CFAP299: variants seen among roughly 807,000 people sequenced by gnomAD.
The protein encoded by CFAP299 is cilia and flagella associated protein 299, also known as cilia- and flagella-associated protein 299.
In CFAP299, 21 loss-of-function variants were observed where a neutral mutation model predicts 27.0. The ratio of observed to expected loss-of-function variants is 0.78; its 90% CI spans 0.55 to 1.12. CFAP299 has a LOEUF of 1.12. Ranked by LOEUF, CFAP299 falls within the 50% of genes most tolerant of loss-of-function variation. CFAP299 has a pLI of 0.00. For missense variants in CFAP299, 310 were observed against 276.6 expected, an observed-to-expected ratio of 1.12 and a Z score of -0.86; for synonymous variants, 104 against 98.1, an observed-to-expected ratio of 1.06 and a Z score of -0.36.
chr4:80,357,172 G>A (rs912808978), intron 1 of CFAP299, among the ~76,000 whole-genome samples: 7 of 152,106 alleles, frequency 4.6e-5, no homozygotes, highest in Admixed American at 3.3e-4. Context: ...CCAACCTTGC[G>A]TCCCAAGGAT....
intron 3 of CFAP299, among the ~76,000 whole-genome samples, chr4:80,714,746 A>G (rs115512361): frequency 9.8e-4 from 149 of 152,168 alleles, no homozygotes; most frequent in African/African-American, 3.3e-3. Flanking sequence ...AAAGTTGTTC[A>G]GAAAGCAAAA....
At chr4:80,632,713 CT>C (rs71664813) in intron 3 of CFAP299, among the ~76,000 whole-genome samples, 15,814 of 143,388 alleles carry the variant, frequency 0.11, 873 homozygotes, top group Middle Eastern at 0.22. Context: ...TATTTTCAAG[CT>C]TTTTTTTTTT....
rs1010947723 is a variant in CFAP299, at chr4:80,791,449, A to G, written c.334-78544A>G. 2.6e-5 allele frequency among the ~76,000 whole-genome samples: 4 copies of G among 152,220 alleles called. No individual in the cohort carries two copies. In the South Asian group the frequency reaches 8.3e-4, roughly 32 times the overall value. On this transcript the variant is annotated intron_variant, in intron 3 of 5. Transcript: ENST00000358105. ...AGATAATATGTACAACATATTTAAT[A>G]CCATTCTTATACATAGGAGGCCCTT...
intron 3 of CFAP299, among the ~76,000 whole-genome samples, chr4:80,665,393 T>C (rs930390171): frequency 6.6e-6 from 1 of 152,178 alleles, no homozygotes; most frequent in African/African-American, 2.4e-5. Flanking sequence ...CCTTTCCACA[T>C]TTTCTTCTCT....
At chr4:80,880,758 T>TAAAATAAAATAAAATAAAATAAAATA (rs771412772) in intron 4 of CFAP299, among the ~76,000 whole-genome samples, 14 of 151,094 alleles carry the variant, frequency 9.3e-5, no homozygotes, top group African/African-American at 3.4e-4. Flanking sequence ...AAAATAAAAT[T>TAAAATAAAATAAAATAAAATAAAATA]AAATTAAATT....
chr4:80,357,984 A>G (rs1723355987), intron 1 of CFAP299, among the ~76,000 whole-genome samples: 1 of 152,116 alleles, frequency 6.6e-6, no homozygotes, highest in Admixed American at 6.6e-5. Flanking sequence ...TAGTGCTATA[A>G]ATTTCCCTCT....
At chr4:80,486,959 T>C (rs1456491817) in intron 2 of CFAP299, among the ~76,000 whole-genome samples, 2 of 152,194 alleles carry the variant, frequency 1.3e-5, no homozygotes, top group African/African-American at 4.8e-5. Context: ...TGGCTCAAAG[T>C]GGGAGAAGAC....
the CFAP299 span, among the ~76,000 whole-genome samples, chr4:80,325,318 A>G: frequency 6.6e-6 from 1 of 152,232 alleles, no homozygotes; most frequent in East Asian, 1.9e-4. Flanking sequence ...AAATCAATGT[A>G]TTTGTGTGTC....
At chr4:80,409,002 G>T (rs9990975) in intron 2 of CFAP299, among the ~76,000 whole-genome samples, 4 of 147,442 alleles carry the variant, frequency 2.7e-5, no homozygotes, top group Non-Finnish European at 6.0e-5. Flanking sequence ...AATTGCTTAA[G>T]CCCGGGAGGC....
chr4:80,682,939 C>CT (rs1333553954), intron 3 of CFAP299, among the ~76,000 whole-genome samples: 1 of 152,096 alleles, frequency 6.6e-6, no homozygotes, highest in Non-Finnish European at 1.5e-5. Context: ...ACCCTGAGGT[C>CT]TTTTTCCATG....
At chr4:80,371,472 C>G (rs144780889) in intron 2 of CFAP299, among the ~76,000 whole-genome samples, 1 of 152,144 alleles carries the variant, frequency 6.6e-6, no homozygotes, top group Non-Finnish European at 1.5e-5. Flanking sequence ...GCAAATTTTC[C>G]AAACTTTTAT....
At position 80,380,100 on chromosome 4, in the gene CFAP299, T is replaced by G. The variant is rs535911200; in HGVS notation, c.242+17216T>G. Among the ~76,000 whole-genome samples, 412 of 152,306 alleles carry G rather than the reference T, an allele frequency of 2.7e-3. 2 individuals carry two copies. Among genetic ancestry groups the G allele is most frequent in the Non-Finnish European group, 4.3e-3 (295 of 68,012 alleles). ...ATATTCTGATGCTAGATACATATGC[T>G]TCATGATTTTTTATTTCTTCTTGAA... On this transcript the variant is annotated intron_variant, in intron 2 of 5. Transcript: ENST00000358105.
At chr4:80,622,751 C>T (rs1039672215) in intron 3 of CFAP299, among the ~76,000 whole-genome samples, 1 of 152,010 alleles carries the variant, frequency 6.6e-6, no homozygotes, top group African/African-American at 2.4e-5. Context: ...CCAGAAATGC[C>T]AGGTTGTGAG....
chr4:80,725,057 GC>G (rs1560718813), intron 3 of CFAP299, among the ~76,000 whole-genome samples: 1 of 149,370 alleles, frequency 6.7e-6, no homozygotes, highest in Non-Finnish European at 1.5e-5. Flanking sequence ...CGATTGTCCT[GC>G]CTCAGCCTCC....
intron 4 of CFAP299, among the ~76,000 whole-genome samples, chr4:80,923,068 G>A (rs1417954787): frequency 6.6e-6 from 1 of 151,962 alleles, no homozygotes; most frequent in Non-Finnish European, 1.5e-5. Flanking sequence ...ACTGTAAAAT[G>A]TTTACATTTA....
intron 2 of CFAP299, among the ~76,000 whole-genome samples, chr4:80,577,941 T>C (rs1204944050): frequency 6.6e-6 from 1 of 152,236 alleles, no homozygotes; most frequent in Non-Finnish European, 1.5e-5. Flanking sequence ...GTGATAATGA[T>C]ATACAGACAA....
At chr4:80,939,318 T>A (rs1737077597) in intron 4 of CFAP299, among the ~76,000 whole-genome samples, 1 of 152,220 alleles carries the variant, frequency 6.6e-6, no homozygotes, top group Non-Finnish European at 1.5e-5. Flanking sequence ...ACTGTCTCAT[T>A]TGATGGCATC....
chr4:80,486,720 G>A (rs1730835699), intron 2 of CFAP299, among the ~76,000 whole-genome samples: 1 of 152,158 alleles, frequency 6.6e-6, no homozygotes, highest in African/African-American at 2.4e-5. Context: ...TGGCTGCCCC[G>A]AGGCATACAT....
At chr4:80,880,558 C>A (rs6820165) in intron 4 of CFAP299, among the ~76,000 whole-genome samples, 20 of 151,808 alleles carry the variant, frequency 1.3e-4, no homozygotes, top group Non-Finnish European at 2.9e-4. Flanking sequence ...GGTGAAATTC[C>A]ATCTCTACTA....
Sources: allele counts gnomAD v4.1 joint callset (sites outside exome capture counted in the v4.1 genomes callset), GRCh38; gene constraint gnomAD v4.1.1; transcripts MANE v1.5; gene names NCBI Gene and HGNC (gene_info 2026-07-23, HGNC 2026-07-21).